NEBL: variants seen among roughly 807,000 people sequenced by gnomAD.
NEBL encodes nebulette, also known as LIM and SH3 protein 2.
A neutral mutation model predicts 140.2 loss-of-function variants in NEBL; 122 were observed. The ratio of observed to expected loss-of-function variants is 0.87; its 90% CI spans 0.75 to 1.01. The LOEUF is 1.01. NEBL is among the 50% of genes least tolerant of loss of function. The pLI is 0.00. For synonymous variants in NEBL, 436 were observed against 398.9 expected, an observed-to-expected ratio of 1.09 and a Z score of -1.11; for missense variants, 1,365 against 1,231.3, an observed-to-expected ratio of 1.11 and a Z score of -1.62.
At chr10:20,881,857 T>A (rs367919279) in intron 4 of NEBL, among the ~76,000 whole-genome samples, 56 of 152,154 alleles carry the variant, frequency 3.7e-4, no homozygotes, top group African/African-American at 9.9e-4. Context: ...ACTAAAAGCT[T>A]AATACTAAAA....
chr10:20,981,955 T>C (rs11012451), intron 3 of NEBL, among the ~76,000 whole-genome samples: 24,804 of 152,116 alleles, frequency 0.16, 3,483 homozygotes, highest in East Asian at 0.38. Flanking sequence ...CTGGCATTTC[T>C]AACAAAAAGA....
At chr10:21,180,661 C>G (rs1004605204) in intron 3 of NEBL, among the ~76,000 whole-genome samples, 1 of 152,150 alleles carries the variant, frequency 6.6e-6, no homozygotes, top group African/African-American at 2.4e-5. Context: ...TAAAAATCAA[C>G]AATAACTCCT....
intron 5 of NEBL, among the ~76,000 whole-genome samples, chr10:20,875,401 C>A (rs1392611390): frequency 6.6e-6 from 1 of 152,178 alleles, no homozygotes; most frequent in Non-Finnish European, 1.5e-5. Flanking sequence ...TCCAGAGTAC[C>A]TTTCCTTAAA....
chr10:20,996,171 A>T (rs1446934229), intron 3 of NEBL, among the ~76,000 whole-genome samples: 10 of 152,200 alleles, frequency 6.6e-5, no homozygotes, highest in Non-Finnish European at 2.9e-5. Context: ...AGTGAAACAA[A>T]ATCGGTTAAT....
chr10:20,891,351 C>T (rs1273548906), intron 2 of NEBL, among the ~76,000 whole-genome samples: 1 of 152,192 alleles, frequency 6.6e-6, no homozygotes, highest in East Asian at 1.9e-4. Context: ...TCACCCTCCT[C>T]AGCCACTAGT....
At chr10:20,862,377 T>C (rs370697286) in intron 7 of NEBL, among the ~76,000 whole-genome samples, 2 of 152,158 alleles carry the variant, frequency 1.3e-5, no homozygotes, top group African/African-American at 4.8e-5. Flanking sequence ...AACTACATTA[T>C]ATAAAAAAAT....
intron 2 of NEBL, among the ~76,000 whole-genome samples, chr10:21,108,758 G>A (rs1837834457): frequency 2.0e-5 from 3 of 152,106 alleles, no homozygotes; most frequent in Admixed American, 2.0e-4. Context: ...TATTAGCAGT[G>A]GGGTGTTAAA....
chr10:20,967,023 T>A (rs1445894901), intron 3 of NEBL, among the ~76,000 whole-genome samples: 1 of 151,792 alleles, frequency 6.6e-6, no homozygotes, highest in Non-Finnish European at 1.5e-5. Flanking sequence ...TAAAGGAGAG[T>A]TCACGTTAAA....
chr10:20,823,456 C>T (rs1027634562), intron 18 of NEBL, among the ~76,000 whole-genome samples, 156 bp from the exon 19 acceptor site: 1 of 152,048 alleles, frequency 6.6e-6, no homozygotes, highest in Non-Finnish European at 1.5e-5. Flanking sequence ...TTATATGATG[C>T]TTTCAGGATT....
At chr10:20,800,177 T>C (rs1312280549) in intron 26 of NEBL, among the ~76,000 whole-genome samples, 1 of 151,816 alleles carries the variant, frequency 6.6e-6, no homozygotes, top group Non-Finnish European at 1.5e-5. Context: ...CTCTGTAAAT[T>C]TGACCTTTCT....
At chr10:21,030,418 C>A in intron 2 of NEBL, 1 of 626,104 alleles carries the variant, frequency 1.6e-6, no homozygotes, top group Non-Finnish European at 3.0e-6. Context: ...ATGAAACACT[C>A]AGTAAGGAGG....
At chr10:21,202,034 C>T (rs556255509) in intron 3 of NEBL, among the ~76,000 whole-genome samples, 2 of 152,180 alleles carry the variant, frequency 1.3e-5, no homozygotes, top group South Asian at 2.1e-4. Flanking sequence ...GATTTCCTAT[C>T]GTGATACAAC....
chr10:21,023,649 T>A (rs1172910564), intron 2 of NEBL, among the ~76,000 whole-genome samples: 4 of 152,036 alleles, frequency 2.6e-5, no homozygotes, highest in African/African-American at 9.7e-5. Context: ...GAGCCGAGAT[T>A]GTGCCACTGC....
chr10:21,019,839 A>G (rs1418581151), intron 3 of NEBL, among the ~76,000 whole-genome samples: 5 of 152,214 alleles, frequency 3.3e-5, no homozygotes, highest in African/African-American at 7.2e-5. Flanking sequence ...TTAGGACCAA[A>G]TAAGTCAAGA....
At chr10:21,082,535 TAAAAAAAAAAAAAAAAAA>T (rs61234594) in intron 2 of NEBL, among the ~76,000 whole-genome samples, 1 of 117,306 alleles carries the variant, frequency 8.5e-6, no homozygotes, top group Non-Finnish European at 1.7e-5. Flanking sequence ...CCACCACCAC[TAAAAAAAAAAAAAAAAAA>T]AAAAAAAAAA....
chr10:21,061,210 T>A (rs1425201970), intron 2 of NEBL, among the ~76,000 whole-genome samples: 4 of 145,766 alleles, frequency 2.7e-5, no homozygotes, highest in African/African-American at 1.0e-4. Flanking sequence ...GATCATATAA[T>A]ATAGAGAGAT....
chr10:20,917,829 C>G (rs1401953106), intron 4 of NEBL, among the ~76,000 whole-genome samples: 1 of 152,118 alleles, frequency 6.6e-6, no homozygotes, highest in Non-Finnish European at 1.5e-5. Flanking sequence ...AGATTCTATA[C>G]TAACTGAAGA....
intron 2 of NEBL, among the ~76,000 whole-genome samples, chr10:21,167,411 T>C (rs1164405302): frequency 3.9e-5 from 6 of 152,178 alleles, no homozygotes; most frequent in Non-Finnish European, 7.4e-5. Context: ...AGCCCAAAAA[T>C]ATGTCTGTGA....
At chr10:20,814,910 G>C (rs745793934) in intron 22 of NEBL, among the ~76,000 whole-genome samples, 36 of 152,206 alleles carry the variant, frequency 2.4e-4, no homozygotes, top group Non-Finnish European at 4.4e-4. Flanking sequence ...CTAGGAAGCT[G>C]TAAATTGCAA....
Sources: gnomAD v4.1 joint callset for allele counts (sites outside exome capture counted in the v4.1 genomes callset) on GRCh38, gnomAD v4.1.1 for gene constraint, MANE v1.5 for transcripts, NCBI Gene and HGNC (gene_info 2026-07-23, HGNC 2026-07-21) for gene names.